Variants in KIF13B observed in about 807,000 individuals in gnomAD.
KIF13B encodes the protein kinesin-like protein KIF13B.
In KIF13B, 127 loss-of-function variants were observed where a neutral mutation model predicts 222.0. The ratio of observed to expected loss-of-function variants is 0.57; its 90% CI spans 0.50 to 0.66. The LOEUF (loss-of-function observed/expected upper bound fraction) is 0.66, where lower values mean the gene tolerates loss of function less well. Among genes scored for constraint, KIF13B ranks in the 30% least tolerant of loss-of-function variants. The pLI is 0.00. For missense variants in KIF13B, 2,173 were observed against 2,379.0 expected, an observed-to-expected ratio of 0.91 and a Z score of 1.80; for synonymous variants, 976 against 919.0, an observed-to-expected ratio of 1.06 and a Z score of -1.12.
At chr8:29,187,353 C>T (rs1812981785) in intron 5 of KIF13B, among the ~76,000 whole-genome samples, 1 of 152,114 alleles carries the variant, frequency 6.6e-6, no homozygotes, top group Non-Finnish European at 1.5e-5. Flanking sequence ...CATGGTGAAA[C>T]CCCTTCTCTC....
intron 32 of KIF13B, among the ~76,000 whole-genome samples, chr8:29,112,615 C>T (rs777043883): frequency 7.2e-5 from 11 of 152,040 alleles, no homozygotes; most frequent in Non-Finnish European, 4.4e-5. Flanking sequence ...TCTCCAACCC[C>T]GAGGAAGTGA....
intron 32 of KIF13B, among the ~76,000 whole-genome samples, 171 bp downstream of exon 32, chr8:29,113,292 G>A (rs1297776894): frequency 6.6e-6 from 1 of 152,168 alleles, no homozygotes; most frequent in Non-Finnish European, 1.5e-5. Flanking sequence ...AACTTTTAAA[G>A]CCACAAGTAC....
chr8:29,186,737 T>C (rs1178882553), intron 5 of KIF13B, among the ~76,000 whole-genome samples: 7 of 151,970 alleles, frequency 4.6e-5, no homozygotes, highest in East Asian at 1.9e-4. Flanking sequence ...GGTGGGCAGA[T>C]TGCCTGAGCT....
chr8:29,257,335 TTTTG>T (rs999426326), intron 1 of KIF13B, among the ~76,000 whole-genome samples: 4 of 151,508 alleles, frequency 2.6e-5, no homozygotes, highest in African/African-American at 7.3e-5. Context: ...TTGGTCGAGT[TTTTG>T]TTTTTTTTTT....
intron 1 of KIF13B, among the ~76,000 whole-genome samples, chr8:29,251,187 G>A (rs1816266930): frequency 6.6e-6 from 1 of 152,022 alleles, no homozygotes; most frequent in South Asian, 2.1e-4. Context: ...TTAAATAGCA[G>A]TTACAAATTT....
chr8:29,180,929 T>C lies in KIF13B; in HGVS notation c.586-691A>G, dbSNP rs78616060. Among the ~76,000 whole-genome samples the C allele has an allele frequency of 4.4e-3, 669 of 151,288 alleles. 32 individuals carry two copies. In the East Asian group the frequency reaches 0.11, roughly 25 times the overall value. On this transcript the variant is annotated intron_variant, in intron 7 of 39. Transcript: ENST00000524189. The stretch of plus-strand genomic sequence containing the variant: ...GCCTTACAAGGATCTTAATGAGGAG[T>C]GAGAAAAATGTATGTGCAAAAGTCG...
chr8:29,193,012 A>G (rs902854067), intron 3 of KIF13B, among the ~76,000 whole-genome samples: 3 of 152,182 alleles, frequency 2.0e-5, no homozygotes, highest in Non-Finnish European at 4.4e-5. Flanking sequence ...GGGGAGGCAG[A>G]TAACCCTGGC....
At chr8:29,112,867 C>T (rs945071287) in intron 32 of KIF13B, among the ~76,000 whole-genome samples, 1 of 152,236 alleles carries the variant, frequency 6.6e-6, no homozygotes, top group African/African-American at 2.4e-5. Flanking sequence ...AATTTAAGCT[C>T]TGCTTCTCTG....
At chr8:29,133,444 A>G (rs923022105) in intron 22 of KIF13B, among the ~76,000 whole-genome samples, 4 of 152,122 alleles carry the variant, frequency 2.6e-5, no homozygotes, top group East Asian at 1.9e-4. Flanking sequence ...CAAAAAAATT[A>G]GCTGCGCATG....
intron 2 of KIF13B, chr8:29,219,495 T>A (rs1586942784): frequency 6.6e-6 from 1 of 152,158 alleles, no homozygotes; most frequent in Non-Finnish European, 1.5e-5. Flanking sequence ...CGGTGCCTCA[T>A]GCCTGTAATC....
Position 29,075,291 on chromosome 8 carries a change from C to G in KIF13B, c.4511G>C (p.Arg1504Thr), listed in dbSNP as rs371444377. Residue 1504 changes from arginine to threonine, a missense_variant, in exon 38 of 40, where the codon AGG becomes ACG. Arg to Thr is a moderately conservative substitution (Grantham distance 71). Coordinates refer to ENST00000524189, the MANE Select transcript of KIF13B (RefSeq NM_015254.4). ...ACCCAACAGACTCACCTCCTCCATC[C>G]TGGTCACCCTGATGTCCGGGCTGGC... ...QSASPDIRVT[R>T]MEEAQPEMGP... 5.2e-4 allele frequency: 804 copies of G among 1,556,464 alleles called. 8 individuals carry two copies. In the South Asian group the frequency reaches 7.3e-3, roughly 14 times the overall value.
At chr8:29,218,582 C>T (rs1318634717) in intron 2 of KIF13B, among the ~76,000 whole-genome samples, 1 of 152,122 alleles carries the variant, frequency 6.6e-6, no homozygotes, top group African/African-American at 2.4e-5. Context: ...TTCTAAGATA[C>T]AGAGCTTTGG....
intron 2 of KIF13B, among the ~76,000 whole-genome samples, chr8:29,212,639 C>A (rs1270621247): frequency 1.3e-5 from 2 of 151,870 alleles, no homozygotes; most frequent in Non-Finnish European, 2.9e-5. Context: ...CCTCTTTAAC[C>A]ACATTCAAGC....
chr8:29,101,830 T>C (rs1808799618), intron 35 of KIF13B, among the ~76,000 whole-genome samples: 1 of 152,142 alleles, frequency 6.6e-6, no homozygotes, highest in Non-Finnish European at 1.5e-5. Context: ...CCAATGCAGA[T>C]GCTAAACTGG....
chr8:29,184,164 T>G (rs1156246136), intron 6 of KIF13B, among the ~76,000 whole-genome samples: 2 of 152,048 alleles, frequency 1.3e-5, no homozygotes, highest in African/African-American at 4.8e-5. Flanking sequence ...CTCTATTATC[T>G]CCTGAGTAAA....
At chr8:29,213,634 A>T (rs1448206964) in intron 2 of KIF13B, among the ~76,000 whole-genome samples, 3 of 152,192 alleles carry the variant, frequency 2.0e-5, no homozygotes, top group African/African-American at 4.8e-5. Flanking sequence ...GTAACACAAT[A>T]GTAGGCATTT....
rs1349915109 is a variant in KIF13B, at chr8:29,262,787, G to C, written c.55+193C>G. ...CGGCGCCAGGGACGGGGCTGGCCAG[G>C]GGGGAAGGGAGGGGAGAAGAGGGAG... On this transcript the variant is annotated intron_variant, in intron 1 of 39. Transcript: ENST00000524189. Among the ~76,000 whole-genome samples the C allele has an allele frequency of 7.3e-5, 11 of 151,392 alleles. No individual in the cohort carries two copies. The East Asian group carries it at 1.2e-3, about 16-fold the overall frequency.
chr8:29,095,295 T>C (rs893626867), intron 36 of KIF13B, among the ~76,000 whole-genome samples: 13 of 152,168 alleles, frequency 8.5e-5, no homozygotes, highest in Non-Finnish European at 1.9e-4. Flanking sequence ...GGCTGAATTC[T>C]CAGCAGAAAA....
rs967071286 is a variant in KIF13B, at chr8:29,071,027, G to A, written c.5219-261C>T. On this transcript the variant is annotated intron_variant, in intron 39 of 39. Transcript: ENST00000524189. The surrounding 1 kb of genome is among the most constrained non-coding windows in gnomAD (Gnocchi z 4.9). Reference sequence around the variant, plus strand: ...CCCAGTCCTGCAGCCTCAGGTAGGAGGTGACAGGCCCTGGGGGCCCTGGGG... The same window carrying A: ...CCCAGTCCTGCAGCCTCAGGTAGGAAGTGACAGGCCCTGGGGGCCCTGGGG... Among the ~76,000 whole-genome samples the A allele has an allele frequency of 6.6e-6, 1 of 152,202 alleles. No homozygotes were observed.
Sources: allele counts gnomAD v4.1 joint callset (sites outside exome capture counted in the v4.1 genomes callset), GRCh38; gene constraint gnomAD v4.1.1; non-coding constraint Gnocchi (gnomAD v3.1); transcripts MANE v1.5; gene names NCBI Gene and HGNC (gene_info 2026-07-23, HGNC 2026-07-21).